CCSER1: variants seen among roughly 807,000 people sequenced by gnomAD.
CCSER1 encodes the protein serine-rich coiled-coil domain-containing protein 1.
In CCSER1, 41 loss-of-function variants were observed where a neutral mutation model predicts 82.0. That is an observed-to-expected ratio of 0.50 (90% CI 0.39 to 0.65). The LOEUF (loss-of-function observed/expected upper bound fraction) is 0.65. Ranked by LOEUF, CCSER1 falls within the 30% of genes least tolerant of loss-of-function variation. The probability of loss-of-function intolerance (pLI) is 0.00; values close to 1 mark genes in which losing one functional copy is unlikely to be tolerated. For missense variants in CCSER1, 1,119 were observed against 1,064.2 expected (o/e 1.05, Z -0.72); for synonymous variants, 414 against 383.9 (o/e 1.08, Z -0.92).
At chr4:91,381,482 A>G (rs1314659319) in intron 10 of CCSER1, among the ~76,000 whole-genome samples, 1 of 145,880 alleles carries the variant, frequency 6.9e-6, no homozygotes, top group East Asian at 1.9e-4. Flanking sequence ...TTCTCACTTC[A>G]TTTCATTTAT....
chr4:90,571,163 C>G (rs1333652405), intron 5 of CCSER1, among the ~76,000 whole-genome samples: 1 of 152,162 alleles, frequency 6.6e-6, no homozygotes, highest in Non-Finnish European at 1.5e-5. Flanking sequence ...CCGTGGAAAA[C>G]AGTTTGGAGA....
intron 10 of CCSER1, among the ~76,000 whole-genome samples, chr4:91,205,019 C>G (rs1736226353): frequency 6.6e-6 from 1 of 151,554 alleles, no homozygotes; most frequent in Admixed American, 6.6e-5. Context: ...AAATTTTCCA[C>G]ACAGATAAAT....
At chr4:90,381,086 G>A (rs566150806) in intron 3 of CCSER1, among the ~76,000 whole-genome samples, 3 of 152,342 alleles carry the variant, frequency 2.0e-5, no homozygotes, top group African/African-American at 7.2e-5. Context: ...AACTAACAAT[G>A]CTAAAGCATG....
At chr4:91,326,687 C>T (rs905508149) in intron 10 of CCSER1, among the ~76,000 whole-genome samples, 3 of 152,082 alleles carry the variant, frequency 2.0e-5, no homozygotes, top group African/African-American at 7.2e-5. Flanking sequence ...TCCAAAGTCT[C>T]ATCTGACATA....
At chr4:90,651,764 T>C (rs1728795372) in intron 6 of CCSER1, among the ~76,000 whole-genome samples, 1 of 152,044 alleles carries the variant, frequency 6.6e-6, no homozygotes, top group African/African-American at 2.4e-5. Context: ...GAGAGCAAAT[T>C]TGAAAGCTAA....
At chr4:91,405,960 T>C (rs1279491827) in intron 10 of CCSER1, among the ~76,000 whole-genome samples, 2 of 152,174 alleles carry the variant, frequency 1.3e-5, no homozygotes, top group African/African-American at 4.8e-5. Context: ...TTGCTCATGC[T>C]GGGAGCTGTA....
intron 8 of CCSER1, among the ~76,000 whole-genome samples, chr4:90,885,254 C>T (rs958481768): frequency 6.6e-6 from 1 of 151,862 alleles, no homozygotes; most frequent in Non-Finnish European, 1.5e-5. Context: ...ATTACCAACA[C>T]CAAAACAAGC....
chr4:90,902,889 G>A (rs982493437), intron 8 of CCSER1, among the ~76,000 whole-genome samples: 1 of 151,946 alleles, frequency 6.6e-6, no homozygotes, highest in Non-Finnish European at 1.5e-5. Context: ...CTCAGGGGAG[G>A]GGACAAGGGG....
intron 6 of CCSER1, among the ~76,000 whole-genome samples, chr4:90,662,385 A>G (rs993080926): frequency 6.6e-6 from 1 of 152,076 alleles, no homozygotes; most frequent in African/African-American, 2.4e-5. Context: ...CTTATACTAT[A>G]TTATATGGAA....
chr4:90,863,488 A>G (rs887713011), intron 8 of CCSER1, among the ~76,000 whole-genome samples: 3 of 151,870 alleles, frequency 2.0e-5, no homozygotes, highest in African/African-American at 4.8e-5. Flanking sequence ...GTGATCATAT[A>G]TGTTTCTATT....
At chr4:90,414,013 T>TATATATATATATATA (rs1755422871) in intron 4 of CCSER1, among the ~76,000 whole-genome samples, 1 of 121,266 alleles carries the variant, frequency 8.2e-6, no homozygotes, top group African/African-American at 3.1e-5. Flanking sequence ...TATATATATC[T>TATATATATATATATA]TCTTCCTAAA....
In CCSER1 at chr4:91,493,500, C is replaced by A. The variant is rs115802256; in HGVS notation, c.2218-105072C>A. Among the ~76,000 whole-genome samples the A allele has an allele frequency of 8.4e-3, 1,269 of 151,128 alleles. 18 individuals carry two copies. Among genetic ancestry groups the A allele is most frequent in the African/African-American group, 0.029 (1,218 of 41,304 alleles). ...AATGAAATATTTATTACAATGAAAC[C>A]ATTACTATTTTTCAATTACAATTAA... On this transcript the variant is annotated intron_variant, in intron 10 of 10. Transcript: ENST00000509176.
intron 10 of CCSER1, among the ~76,000 whole-genome samples, chr4:91,350,339 A>G (rs1256073283): frequency 6.6e-6 from 1 of 152,180 alleles, no homozygotes; most frequent in African/African-American, 2.4e-5. Flanking sequence ...ATACTTATAA[A>G]TTGGTTATTA....
At chr4:91,169,675 G>A (rs1198429385) in intron 10 of CCSER1, among the ~76,000 whole-genome samples, 1 of 151,870 alleles carries the variant, frequency 6.6e-6, no homozygotes, top group African/African-American at 2.4e-5. Flanking sequence ...ACTTGTATTA[G>A]ACAGTGTTAA....
intron 7 of CCSER1, among the ~76,000 whole-genome samples, chr4:90,790,916 C>T (rs1200904673): frequency 1.3e-5 from 2 of 152,250 alleles, no homozygotes; most frequent in Middle Eastern, 3.4e-3. Flanking sequence ...ATCTTAATAG[C>T]AGCACCCCAC....
chr4:90,348,356 G>A lies in CCSER1; in HGVS notation c.1509+35309G>A, dbSNP rs764349721. On this transcript the variant is annotated intron_variant, in intron 3 of 10. Coordinates refer to ENST00000509176, the MANE Select transcript of CCSER1 (RefSeq NM_001145065.2). Reference sequence around the variant, plus strand: ...ATTTCAGTATTTTTGTTATGTGTACGTATTTGAAATCATAGATTATATAAT... The same window carrying A: ...ATTTCAGTATTTTTGTTATGTGTACATATTTGAAATCATAGATTATATAAT... 3.9e-5 allele frequency among the ~76,000 whole-genome samples: 6 copies of A among 151,968 alleles called. No individual in the cohort carries two copies. In the South Asian group the frequency reaches 6.2e-4, roughly 16 times the overall value.
At chr4:90,275,568 C>T (rs116924230) in intron 1 of CCSER1, among the ~76,000 whole-genome samples, 13 of 152,196 alleles carry the variant, frequency 8.5e-5, no homozygotes, top group East Asian at 1.9e-4. Flanking sequence ...AAAAAGAAAA[C>T]GTAGTGCCCC....
chr4:90,776,189 A>G (rs762174369), intron 7 of CCSER1, among the ~76,000 whole-genome samples: 8 of 152,184 alleles, frequency 5.3e-5, no homozygotes, highest in African/African-American at 9.7e-5. Context: ...TTCCAATTCA[A>G]TTCTCCTGAA....
chr4:91,382,558 G>C (rs1261095040), intron 10 of CCSER1, among the ~76,000 whole-genome samples: 1 of 152,188 alleles, frequency 6.6e-6, no homozygotes, highest in African/African-American at 2.4e-5. Context: ...CATTGGAAAA[G>C]TGCAGTATTA....
Sources: allele counts gnomAD v4.1 joint callset (sites outside exome capture counted in the v4.1 genomes callset), GRCh38; gene constraint gnomAD v4.1.1; transcripts MANE v1.5; gene names NCBI Gene and HGNC (gene_info 2026-07-23, HGNC 2026-07-21).